The following ASTN2 variants were observed in gnomAD, a reference collection of about 807,000 sequenced individuals.
The protein encoded by ASTN2 is astrotactin 2, also known as astrotactin-2.
ASTN2 carries 54 observed loss-of-function variants against 139.8 expected under a neutral mutation model. The ratio of observed to expected loss-of-function variants is 0.39; its 90% CI spans 0.31 to 0.48. ASTN2 has a LOEUF of 0.48. ASTN2 is among the 20% of genes least tolerant of loss of function. The probability of loss-of-function intolerance (pLI) is 0.95; values close to 1 mark genes in which losing one functional copy is unlikely to be tolerated. For missense variants in ASTN2, 1,565 were observed against 1,725.1 expected (o/e 0.91, Z 1.64); for synonymous variants, 756 against 719.5 (o/e 1.05, Z -0.81).
rs146332762 is a variant in ASTN2, at chr9:117,373,957, G to T, written c.442+40540C>A. ...ATTTCTGAGAAGTCACTGAAGAACA[G>T]CAGCAGAACATACGCTTAAATTTTT... On this transcript the variant is annotated intron_variant, in intron 1 of 22. Transcript: ENST00000313400. Among the ~76,000 whole-genome samples, 265 of 152,270 alleles carry T rather than the reference G, an allele frequency of 1.7e-3. 2 individuals are homozygous for T. Among genetic ancestry groups the T allele is most frequent in the African/African-American group, 5.9e-3 (246 of 41,558 alleles).
At chr9:116,605,507 C>G (rs905304321) in intron 19 of ASTN2, among the ~76,000 whole-genome samples, 1 of 152,016 alleles carries the variant, frequency 6.6e-6, no homozygotes, top group African/African-American at 2.4e-5. Context: ...TATCACCAGA[C>G]AGAAAAACAG....
At chr9:116,807,286 A>G (rs1394134174) in intron 12 of ASTN2, among the ~76,000 whole-genome samples, 1 of 152,240 alleles carries the variant, frequency 6.6e-6, no homozygotes, top group Non-Finnish European at 1.5e-5. Context: ...GGGAACCAGT[A>G]GCTGATGCTA....
intron 19 of ASTN2, among the ~76,000 whole-genome samples, chr9:116,567,145 T>C (rs955033682): frequency 1.3e-5 from 2 of 152,264 alleles, no homozygotes; most frequent in African/African-American, 4.8e-5. Context: ...CTTGGCTCTC[T>C]GTGGGAAGAG....
intron 5 of ASTN2, among the ~76,000 whole-genome samples, chr9:117,090,846 CTA>C: frequency 6.6e-6 from 1 of 152,348 alleles, no homozygotes; most frequent in Middle Eastern, 3.4e-3. Context: ...AGAGAGAGAT[CTA>C]TGTACAAACA....
chr9:116,704,977 T>C (rs1827954737), intron 16 of ASTN2, among the ~76,000 whole-genome samples: 2 of 152,190 alleles, frequency 1.3e-5, no homozygotes, highest in African/African-American at 4.8e-5. Flanking sequence ...GAAACATGCA[T>C]GTTTAGCTAT....
intron 13 of ASTN2, among the ~76,000 whole-genome samples, chr9:116,766,898 TAAAC>T (rs983882761): frequency 6.6e-6 from 1 of 151,206 alleles, no homozygotes; most frequent in African/African-American, 2.4e-5. Context: ...CACATACACT[TAAAC>T]ACACACATTC....
chr9:116,843,111 A>G (rs1459491401), intron 11 of ASTN2, among the ~76,000 whole-genome samples: 1 of 152,204 alleles, frequency 6.6e-6, no homozygotes, highest in Non-Finnish European at 1.5e-5. Flanking sequence ...AAGAAAATAA[A>G]TCGTTCTACC....
At chr9:116,914,516 G>T (rs1834390747) in intron 10 of ASTN2, among the ~76,000 whole-genome samples, 1 of 151,078 alleles carries the variant, frequency 6.6e-6, no homozygotes, top group Non-Finnish European at 1.5e-5. Context: ...CTTTGCTGAG[G>T]TCCTACTCTG....
intron 19 of ASTN2, among the ~76,000 whole-genome samples, chr9:116,577,261 G>A (rs1247615067): frequency 1.3e-5 from 2 of 152,212 alleles, no homozygotes; most frequent in East Asian, 3.9e-4. Flanking sequence ...AGGCACGGTG[G>A]CTCATGCCTG....
chr9:116,974,101 G>A (rs1564366623), intron 10 of ASTN2, among the ~76,000 whole-genome samples: 1 of 152,276 alleles, frequency 6.6e-6, no homozygotes, highest in East Asian at 1.9e-4. Context: ...TAGTTCATGA[G>A]CCAATAAGCT....
intron 7 of ASTN2, among the ~76,000 whole-genome samples, chr9:117,003,024 G>C (rs893423483): frequency 6.6e-6 from 1 of 151,734 alleles, no homozygotes; most frequent in Non-Finnish European, 1.5e-5. Context: ...AAAGGAAAAA[G>C]ACATTTTTCT....
chr9:116,743,602 C>T (rs535678161), intron 13 of ASTN2, among the ~76,000 whole-genome samples: 4 of 151,378 alleles, frequency 2.6e-5, no homozygotes, highest in African/African-American at 9.7e-5. Context: ...ACCTCCATCT[C>T]CCGGGTTCAA....
chr9:116,437,382 A>T lies in ASTN2; in HGVS notation c.3782+3227T>A, dbSNP rs552340214. 33 of 471,338 alleles carry T rather than the reference A, an allele frequency of 7.0e-5. No homozygotes were observed. In the East Asian group the frequency reaches 2.3e-3, roughly 33 times the overall value. 29.2% of individuals were successfully genotyped at this position (471,338 alleles called of 1,614,324 possible). ...CAGTGTGGGATGTTGGAGCAATCTC[A>T]GATATCCTCCAGGAGACTAGAAAGA... On this transcript the variant is annotated intron_variant, in intron 22 of 22. Coordinates refer to ENST00000313400, the MANE Select transcript of ASTN2 (RefSeq NM_001365068.1).
At chr9:116,965,613 C>T (rs1835990769) in intron 10 of ASTN2, among the ~76,000 whole-genome samples, 1 of 152,188 alleles carries the variant, frequency 6.6e-6, no homozygotes, top group African/African-American at 2.4e-5. Flanking sequence ...CTAATATTAT[C>T]TAACTCCCTC....
At chr9:117,374,552 G>T (rs187435224) in intron 1 of ASTN2, among the ~76,000 whole-genome samples, 144 of 152,066 alleles carry the variant, frequency 9.5e-4, no homozygotes, top group African/African-American at 2.7e-3. Context: ...TAGCTGCAAG[G>T]CTTGAAAATT....
chr9:117,371,600 C>T (rs1230566541), intron 1 of ASTN2, among the ~76,000 whole-genome samples: 1 of 152,166 alleles, frequency 6.6e-6, no homozygotes, highest in Non-Finnish European at 1.5e-5. Flanking sequence ...TCAGAATCTC[C>T]TTGTGCCTCA....
At chr9:116,663,434 T>C (rs1008074896) in intron 16 of ASTN2, among the ~76,000 whole-genome samples, 3 of 152,168 alleles carry the variant, frequency 2.0e-5, no homozygotes, top group Non-Finnish European at 4.4e-5. Flanking sequence ...TCTTACTGTT[T>C]TCCTGGGGGT....
intron 6 of ASTN2, among the ~76,000 whole-genome samples, chr9:117,027,387 C>T (rs1287113147): frequency 6.6e-6 from 1 of 152,148 alleles, no homozygotes; most frequent in African/African-American, 2.4e-5. Context: ...CCATAACTCC[C>T]AACCTCCAGG....
At chr9:116,542,994 A>G (rs894778392) in intron 19 of ASTN2, among the ~76,000 whole-genome samples, 1 of 71,500 alleles carries the variant, frequency 1.4e-5, no homozygotes, top group Non-Finnish European at 3.7e-5. Context: ...CATCCAGCTG[A>G]AAAAAAAATC....
Sources: allele counts gnomAD v4.1 joint callset (sites outside exome capture counted in the v4.1 genomes callset), GRCh38; gene constraint gnomAD v4.1.1; transcripts MANE v1.5; gene names NCBI Gene and HGNC (gene_info 2026-07-23, HGNC 2026-07-21).